Variants in DOCK1 observed in about 807,000 individuals in gnomAD.
DOCK1 encodes dedicator of cytokinesis 1.
A neutral mutation model predicts 262.7 loss-of-function variants in DOCK1; 138 were observed. The ratio of observed to expected loss-of-function variants is 0.53; its 90% CI spans 0.46 to 0.61. The LOEUF (loss-of-function observed/expected upper bound fraction) is 0.61, where lower values mean the gene tolerates loss of function less well. Among genes scored for constraint, DOCK1 ranks in the 20% least tolerant of loss-of-function variants. DOCK1 has a pLI of 0.00. For missense variants in DOCK1, 1,908 were observed against 2,370.7 expected (o/e 0.80, Z 4.05); for synonymous variants, 866 against 867.4 (o/e 1.00, Z 0.03).
chr10:126,987,403 T>G, intron 4 of DOCK1, 118 bp from the exon 5 acceptor site: 1 of 708,708 alleles, frequency 1.4e-6, no homozygotes, highest in Non-Finnish European at 2.4e-6. Flanking sequence ...TATTTGTAGA[T>G]TTTCTTCCCA....
intron 46 of DOCK1, among the ~76,000 whole-genome samples, chr10:127,420,484 G>A (rs990198509): frequency 6.6e-6 from 1 of 152,134 alleles, no homozygotes; most frequent in Non-Finnish European, 1.5e-5. Flanking sequence ...TTTCACATGT[G>A]GGAGGCAAGG....
At chr10:127,443,369 T>G (rs1373055533) in intron 49 of DOCK1, among the ~76,000 whole-genome samples, 2 of 152,176 alleles carry the variant, frequency 1.3e-5, no homozygotes. Flanking sequence ...GCATGGACTC[T>G]GGGAGAGGAG....
At chr10:126,947,309 G>GTGATGGTGGTGGTTGGTGGTATTACTGT (rs1475515878) in intron 1 of DOCK1, among the ~76,000 whole-genome samples, 4 of 70,338 alleles carry the variant, frequency 5.7e-5, no homozygotes, top group African/African-American at 1.6e-4. Flanking sequence ...ATTACTGTTG[G>GTGATGGTGGTGGTTGGTGGTATTACTGT]TGGTGATGGT....
At chr10:127,214,441 A>G (rs1458673896) in intron 27 of DOCK1, among the ~76,000 whole-genome samples, 1 of 152,206 alleles carries the variant, frequency 6.6e-6, no homozygotes, top group Non-Finnish European at 1.5e-5. Context: ...CAAACAATAT[A>G]TATTTTTCCA....
At chr10:127,172,318 A>G (rs1031165010) in intron 27 of DOCK1, among the ~76,000 whole-genome samples, 6 of 152,120 alleles carry the variant, frequency 3.9e-5, no homozygotes, top group Non-Finnish European at 8.8e-5. Flanking sequence ...CACCATGGAA[A>G]TCAGCAGATG....
intron 23 of DOCK1, 49 bp downstream of exon 23, chr10:127,061,825 C>T (rs1196361787): frequency 1.4e-6 from 2 of 1,438,166 alleles, no homozygotes; most frequent in South Asian, 1.3e-5. Flanking sequence ...TTTTTTCTTT[C>T]ATTATCTCTT....
chr10:127,415,287 A>G (rs2068089151), intron 44 of DOCK1, 49 bp downstream of exon 44: 3 of 1,556,166 alleles, frequency 1.9e-6, no homozygotes, highest in South Asian at 2.3e-5. Context: ...CTTCCTCAAT[A>G]CAGTCTGCCA....
intron 27 of DOCK1, among the ~76,000 whole-genome samples, chr10:127,138,448 T>A (rs1592171117): frequency 6.6e-6 from 1 of 152,096 alleles, no homozygotes; most frequent in Non-Finnish European, 1.5e-5. Flanking sequence ...GTGCAATGTA[T>A]CACAAGATCA....
chr10:127,167,139 TATATAA>T (rs999868979), intron 27 of DOCK1, among the ~76,000 whole-genome samples: 4 of 152,162 alleles, frequency 2.6e-5, no homozygotes, highest in East Asian at 1.9e-4. Context: ...TTTACAAAGT[TATATAA>T]ATATAAGCTA....
intron 31 of DOCK1, among the ~76,000 whole-genome samples, chr10:127,351,281 A>ACGG (rs1000996827): frequency 1.3e-5 from 2 of 152,088 alleles, no homozygotes; most frequent in Admixed American, 6.5e-5. Context: ...TGGGCAGAGC[A>ACGG]CGGTGACCCC....
intron 27 of DOCK1, among the ~76,000 whole-genome samples, chr10:127,150,297 G>A (rs901737617): frequency 6.6e-6 from 1 of 152,110 alleles, no homozygotes; most frequent in African/African-American, 2.4e-5. Context: ...AGAACTGACC[G>A]CAAGCTGCGA....
At chr10:127,398,354 G>A (rs540598554) in intron 38 of DOCK1, among the ~76,000 whole-genome samples, 1 of 152,170 alleles carries the variant, frequency 6.6e-6, no homozygotes, top group Admixed American at 6.5e-5. Flanking sequence ...ACCAAGACTA[G>A]CTGGGCCCTT....
chr10:127,106,493 C>A (rs1169571183), intron 24 of DOCK1, among the ~76,000 whole-genome samples, 192 bp downstream of exon 24: 1 of 152,134 alleles, frequency 6.6e-6, no homozygotes, highest in African/African-American at 2.4e-5. Context: ...GAAAAGGTAT[C>A]ACCAGTCAAC....
At chr10:127,422,824 C>G (rs548971086) in intron 46 of DOCK1, among the ~76,000 whole-genome samples, 6 of 152,118 alleles carry the variant, frequency 3.9e-5, no homozygotes, top group Non-Finnish European at 8.8e-5. Context: ...TATTGCTATA[C>G]AAAAACTAGT....
chr10:127,211,695 T>C (rs190356063), intron 27 of DOCK1, among the ~76,000 whole-genome samples: 5 of 152,302 alleles, frequency 3.3e-5, no homozygotes, highest in Admixed American at 1.3e-4. Flanking sequence ...TTTCTAAACA[T>C]ACTGAAAATA....
intron 27 of DOCK1, among the ~76,000 whole-genome samples, chr10:127,133,267 A>G (rs2050433266): frequency 6.6e-6 from 1 of 152,210 alleles, no homozygotes; most frequent in African/African-American, 2.4e-5. Flanking sequence ...CTCATAACCA[A>G]ATATTTTCAC....
At chr10:127,280,854 C>G (rs1209575673) in intron 29 of DOCK1, among the ~76,000 whole-genome samples, 1 of 152,022 alleles carries the variant, frequency 6.6e-6, no homozygotes, top group African/African-American at 2.4e-5. Context: ...ACGCTAAGAA[C>G]ATCGGAATAT....
At position 127,252,501 on chromosome 10, in the gene DOCK1, A is replaced by G. The variant is rs529338076; in HGVS notation, c.2949+4392A>G. On this transcript the variant is annotated intron_variant, in intron 28 of 51. Transcript: ENST00000623213. ...AATGGTAATGCCTAGGTTTTCTTCT[A>G]GGGTTTTTATGGTTTTAGGTCTAAT... Among the ~76,000 whole-genome samples the G allele has an allele frequency of 7.0e-3, 986 of 140,094 alleles. 9 individuals are homozygous for G. Among genetic ancestry groups the G allele is most frequent in the Non-Finnish European group, 0.012 (784 of 63,438 alleles). 91.9% of individuals were successfully genotyped at this position (140,094 alleles called of 152,430 possible). A position where few individuals can be genotyped will look rare whatever the true frequency, so the allele number is the denominator to read the frequency against.
At chr10:127,392,934 A>G (rs1452418620) in intron 38 of DOCK1, among the ~76,000 whole-genome samples, 2 of 152,228 alleles carry the variant, frequency 1.3e-5, no homozygotes, top group Non-Finnish European at 2.9e-5. Context: ...TTTCCTGTCT[A>G]GAATCTTGTA....
Sources: gnomAD v4.1 joint callset for allele counts (sites outside exome capture counted in the v4.1 genomes callset) on GRCh38, gnomAD v4.1.1 for gene constraint, MANE v1.5 for transcripts, NCBI Gene and HGNC (gene_info 2026-07-23, HGNC 2026-07-21) for gene names.